CTNNA3: variants seen among roughly 807,000 people sequenced by gnomAD.
The protein encoded by CTNNA3 is catenin alpha-3.
In CTNNA3, 76 loss-of-function variants were observed where a neutral mutation model predicts 95.7. The observed-to-expected ratio is 0.79, with a 90% CI of 0.66 to 0.96. The LOEUF is 0.96. Ranked by LOEUF, CTNNA3 falls within the 40% of genes least tolerant of loss-of-function variation. The pLI, the probability that CTNNA3 is intolerant of heterozygous loss-of-function variation, is 0.00. For synonymous variants in CTNNA3, 431 were observed against 374.4 expected (o/e 1.15, Z -1.74); for missense variants, 1,191 against 1,089.8 (o/e 1.09, Z -1.31).
intron 13 of CTNNA3, among the ~76,000 whole-genome samples, chr10:66,242,731 T>C (rs1044546758): frequency 2.0e-5 from 3 of 152,152 alleles, no homozygotes; most frequent in Admixed American, 6.5e-5. Context: ...AAATTAAGCA[T>C]ATATTTAGCC....
At chr10:66,124,702 A>T (rs2082732894) in intron 13 of CTNNA3, among the ~76,000 whole-genome samples, 1 of 152,232 alleles carries the variant, frequency 6.6e-6, no homozygotes, top group Non-Finnish European at 1.5e-5. Flanking sequence ...GGCAAGGAAG[A>T]GCACGTCACA....
chr10:67,394,138 C>T (rs938431595), intron 5 of CTNNA3, among the ~76,000 whole-genome samples: 1 of 152,058 alleles, frequency 6.6e-6, no homozygotes, highest in Non-Finnish European at 1.5e-5. Flanking sequence ...AAATATGACT[C>T]TTTTGTGTGT....
At chr10:66,433,738 AC>A (rs2093316050) in intron 11 of CTNNA3, among the ~76,000 whole-genome samples, 1 of 152,174 alleles carries the variant, frequency 6.6e-6, no homozygotes, top group Non-Finnish European at 1.5e-5. Context: ...CCTGAATGGT[AC>A]TGCCTAGGTT....
At chr10:66,937,376 A>G (rs1847765580) in intron 7 of CTNNA3, among the ~76,000 whole-genome samples, 1 of 152,212 alleles carries the variant, frequency 6.6e-6, no homozygotes, top group South Asian at 2.1e-4. Context: ...TAAAGATCCT[A>G]TGAAGATTCA....
chr10:67,750,541 A>ACC, intron 1 of CTNNA3: 1 of 1,577,796 alleles, frequency 6.3e-7, no homozygotes, highest in South Asian at 1.1e-5. Context: ...TCTTTGAGAG[A>ACC]CCCCTTGTGA....
chr10:67,626,756 T>A (rs891012050), intron 2 of CTNNA3, among the ~76,000 whole-genome samples: 1 of 151,356 alleles, frequency 6.6e-6, no homozygotes, highest in Non-Finnish European at 1.5e-5. Flanking sequence ...CATACATGTA[T>A]ACGTGTGTGT....
At chr10:66,306,379 A>T (rs1299139904) in intron 12 of CTNNA3, among the ~76,000 whole-genome samples, 1 of 152,232 alleles carries the variant, frequency 6.6e-6, no homozygotes, top group Non-Finnish European at 1.5e-5. Context: ...CCACAAATTT[A>T]TAGTATCTTA....
chr10:66,849,649 G>A (rs1156475481), intron 7 of CTNNA3, among the ~76,000 whole-genome samples: 1 of 152,066 alleles, frequency 6.6e-6, no homozygotes, highest in African/African-American at 2.4e-5. Context: ...AGAGAATAAG[G>A]CCATGTAAAG....
At chr10:66,394,642 C>A (rs1454124290) in intron 11 of CTNNA3, among the ~76,000 whole-genome samples, 4 of 151,260 alleles carry the variant, frequency 2.6e-5, no homozygotes, top group Admixed American at 1.3e-4. Flanking sequence ...CAGTAGTGAG[C>A]AATTCTCCCA....
chr10:65,949,855 C>A (rs1421013496), intron 17 of CTNNA3, among the ~76,000 whole-genome samples: 6 of 152,036 alleles, frequency 3.9e-5, no homozygotes, highest in Admixed American at 2.6e-4. Flanking sequence ...ATGTTAGCAG[C>A]CAACACTCAC....
chr10:66,476,501 T>C (rs904598211), intron 11 of CTNNA3, among the ~76,000 whole-genome samples: 1 of 152,178 alleles, frequency 6.6e-6, no homozygotes, highest in Non-Finnish European at 1.5e-5. Flanking sequence ...TGTACTGAGA[T>C]AATTAAAAGG....
intron 1 of CTNNA3, among the ~76,000 whole-genome samples, chr10:67,712,293 C>A (rs1037997883): frequency 1.3e-5 from 2 of 152,114 alleles, no homozygotes; most frequent in African/African-American, 4.8e-5. Flanking sequence ...AAAGAAAATC[C>A]CATTTTCTGA....
chr10:66,115,268 T>C (rs1466240198), intron 13 of CTNNA3, among the ~76,000 whole-genome samples: 2 of 152,174 alleles, frequency 1.3e-5, no homozygotes, highest in African/African-American at 4.8e-5. Context: ...ATGTCTTTAT[T>C]ATCAGAGCAA....
chr10:67,418,514 T>TA (rs71006149), intron 5 of CTNNA3, among the ~76,000 whole-genome samples: 121,762 of 144,254 alleles, frequency 0.84, 52,627 homozygotes, highest in Middle Eastern at 0.95. Flanking sequence ...TATTTCACTG[T>TA]AAAAAAAAAA....
intron 17 of CTNNA3, 73 bp downstream of exon 17, chr10:65,966,539 G>T: frequency 7.9e-7 from 1 of 1,265,636 alleles, no homozygotes; most frequent in Non-Finnish European, 1.0e-6. Context: ...ATTTGGTCAT[G>T]TAAACAAGGG....
chr10:66,773,834 C>A lies in CTNNA3; in HGVS notation c.1128+1610G>T, dbSNP rs190823323. ...AATCCCCAATGCTATTTCTATATCT[C>A]ACTGATGGTAGTGAGGTGGAAATAC... On this transcript the variant is annotated intron_variant, in intron 8 of 17. Coordinates refer to ENST00000433211, the MANE Select transcript of CTNNA3 (RefSeq NM_013266.4). Among the ~76,000 whole-genome samples the A allele has an allele frequency of 8.3e-4, 126 of 152,246 alleles. 3 individuals carry two copies. The South Asian group carries it at 9.3e-3, about 11-fold the overall frequency.
intron 10 of CTNNA3, among the ~76,000 whole-genome samples, chr10:66,578,728 A>G (rs185084060): frequency 6.6e-6 from 1 of 151,168 alleles, no homozygotes; most frequent in African/African-American, 2.4e-5. Context: ...CTAGTACTTC[A>G]TTGAGAAAAT....
At chr10:67,381,403 T>C (rs908602248) in intron 5 of CTNNA3, among the ~76,000 whole-genome samples, 3 of 152,152 alleles carry the variant, frequency 2.0e-5, no homozygotes, top group Non-Finnish European at 4.4e-5. Context: ...GACTCTATTT[T>C]GTGTTTCATA....
At chr10:67,448,818 T>G (rs1163839186) in intron 5 of CTNNA3, among the ~76,000 whole-genome samples, 1 of 148,710 alleles carries the variant, frequency 6.7e-6, no homozygotes, top group Non-Finnish European at 1.5e-5. Flanking sequence ...ATTATAGATA[T>G]ATAATTGTTA....
Sources: gnomAD v4.1 joint callset for allele counts (sites outside exome capture counted in the v4.1 genomes callset) on GRCh38, gnomAD v4.1.1 for gene constraint, MANE v1.5 for transcripts, NCBI Gene and HGNC (gene_info 2026-07-23, HGNC 2026-07-21) for gene names.